The following GALNT15 variants were observed in gnomAD, a reference collection of about 807,000 sequenced individuals.
GALNT15 encodes polypeptide N-acetylgalactosaminyltransferase 15, also known as UDP-GalNAc transferase T15.
In GALNT15, 67 loss-of-function variants were observed where a neutral mutation model predicts 66.8. The ratio of observed to expected loss-of-function variants is 1.00; its 90% CI spans 0.82 to 1.23. GALNT15 has a LOEUF of 1.23. GALNT15 is among the 50% of genes most tolerant of loss of function. The pLI, the probability that GALNT15 is intolerant of heterozygous loss-of-function variation, is 0.00. For missense variants in GALNT15, 827 were observed against 804.3 expected (o/e 1.03, Z -0.34); for synonymous variants, 313 against 311.5 (o/e 1.00, Z -0.05).
rs1318688985 is a variant in GALNT15, at chr3:16,228,381, C to T, written c.*881C>T. ...TCCTGCCGGGCGCGGTGGCTCATGCCTGTAATTCCAGCACTTTGGGAGGCA... is the reference window on the plus strand; with the variant it reads ...TCCTGCCGGGCGCGGTGGCTCATGCTTGTAATTCCAGCACTTTGGGAGGCA... On this transcript the variant is annotated 3_prime_UTR_variant, in exon 10 of 10. Transcript: ENST00000339732. 1 of 976,268 alleles carries T rather than the reference C, an allele frequency of 1.0e-6. No homozygotes were observed. The highest frequency in any genetic ancestry group is 1.8e-5 in the African/African-American group (1 of 57,008). 60.5% of individuals were successfully genotyped at this position (976,268 alleles called of 1,614,324 possible).
intron 1 of GALNT15, among the ~76,000 whole-genome samples, chr3:16,194,554 A>G (rs754866443): frequency 4.6e-5 from 7 of 152,228 alleles, no homozygotes; most frequent in Non-Finnish European, 7.3e-5. Flanking sequence ...AGCACTATTC[A>G]TAGTAGTGAA....
At position 16,208,605 on chromosome 3, in the gene GALNT15, T is replaced by C; in HGVS notation, c.1014T>C (p.Asp338=). 1 of 1,614,154 alleles carries C rather than the reference T, an allele frequency of 6.2e-7. No individual in the cohort carries two copies. Among genetic ancestry groups the C allele is most frequent in the South Asian group, 1.1e-5 (1 of 91,068 alleles). Residue 338 remains aspartate (D), a synonymous_variant, in exon 4 of 10, where the codon GAT becomes GAC. Transcript: ENST00000339732. ...LQRGVLDWKL[D]FHWEPLPEHV... ...GTGGGGTGTTGGACTGGAAGCTGGA[T>C]TTCCACTGGGAACCTTTGCCAGAGC...
Position 16,176,012 on chromosome 3 carries a change from C to T in GALNT15, c.539+322C>T, listed in dbSNP as rs575734841. Among the ~76,000 whole-genome samples the T allele has an allele frequency of 5.3e-5, 8 of 152,194 alleles. No individual in the cohort carries two copies. Among genetic ancestry groups the T allele is most frequent in the South Asian group, 4.1e-4 (2 of 4,828 alleles). ...ACTCTTGCTTGTTCATTCTCTTCTCCGTCCTGGGTTCTAGTTCTTCTGTCT... is the reference window on the plus strand; with the variant it reads ...ACTCTTGCTTGTTCATTCTCTTCTCTGTCCTGGGTTCTAGTTCTTCTGTCT... On this transcript the variant is annotated intron_variant, in intron 1 of 9. Coordinates refer to ENST00000339732, the MANE Select transcript of GALNT15 (RefSeq NM_054110.5). This position sits in a 1 kb window ranked among gnomAD's most constrained non-coding sequence, Gnocchi z 5.6.
At position 16,227,516 on chromosome 3, in the gene GALNT15, G is replaced by A. The variant is rs1329174908; in HGVS notation, c.*16G>A. The A allele has an allele frequency of 9.3e-6, 15 of 1,613,914 alleles. No homozygotes were observed. Among genetic ancestry groups the A allele is most frequent in the Non-Finnish European group, 1.3e-5 (15 of 1,179,986 alleles). On this transcript the variant is annotated 3_prime_UTR_variant, in exon 10 of 10. Coordinates refer to ENST00000339732, the MANE Select transcript of GALNT15 (RefSeq NM_054110.5). This position sits in a 1 kb window ranked among gnomAD's most constrained non-coding sequence, Gnocchi z 4.5. ...TGAACGATGAATGTCAATGTCAGAA[G>A]GAAAAGAGAATTTTGGCCATCAAAA... is the stretch of plus-strand genomic sequence containing the variant.
At chr3:16,247,507 G>A in the GALNT15 span, among the ~76,000 whole-genome samples, 1 of 152,208 alleles carries the variant, frequency 6.6e-6, no homozygotes, top group Admixed American at 6.5e-5. Flanking sequence ...AACTAAAACA[G>A]GAACCAGGTC....
In GALNT15 at chr3:16,176,718, A is replaced by G. The variant is rs147071568; in HGVS notation, c.539+1028A>G. On this transcript the variant is annotated intron_variant, in intron 1 of 9. Transcript: ENST00000339732. This position sits in a 1 kb window ranked among gnomAD's most constrained non-coding sequence, Gnocchi z 5.6. ...TGGTGATTTAGGTCCCTTTTCCTAT[A>G]GGCCATTGCTCCTCCCAGAGCCTGG... is the stretch of plus-strand genomic sequence containing the variant. Among the ~76,000 whole-genome samples the G allele has an allele frequency of 2.0e-5, 3 of 152,310 alleles. No homozygotes were observed. The highest frequency in any genetic ancestry group is 7.2e-5 in the African/African-American group (3 of 41,560).
Position 16,219,667 on chromosome 3 carries a change from C to T in GALNT15, c.1524+133C>T, listed in dbSNP as rs541743579. On this transcript the variant is annotated intron_variant, in intron 7 of 9. Transcript: ENST00000339732. This position sits in a 1 kb window ranked among gnomAD's most constrained non-coding sequence, Gnocchi z 4.3. ...GGCCTCAGAGGCCTTGGGTCCATCCCGTGCCTCCATGCCAGTCTGAGGAAG... is the reference window on the plus strand; with the variant it reads ...GGCCTCAGAGGCCTTGGGTCCATCCTGTGCCTCCATGCCAGTCTGAGGAAG... The T allele has an allele frequency of 3.2e-4, 416 of 1,284,018 alleles. No individual in the cohort carries two copies. The highest frequency in any genetic ancestry group is 2.0e-3 in the African/African-American group (133 of 67,766). 79.5% of individuals were successfully genotyped at this position (1,284,018 alleles called of 1,614,324 possible).
downstream of GALNT15, among the ~76,000 whole-genome samples, chr3:16,235,155 C>T (rs1431327335): frequency 6.6e-6 from 1 of 152,126 alleles, no homozygotes; most frequent in Admixed American, 6.5e-5. Flanking sequence ...GATCTCCTGA[C>T]CTCATGATCC....
rs140126321 is a variant in GALNT15, at chr3:16,181,175, C to G, written c.539+5485C>G. On this transcript the variant is annotated intron_variant, in intron 1 of 9. Coordinates refer to ENST00000339732, the MANE Select transcript of GALNT15 (RefSeq NM_054110.5). This position sits in a 1 kb window ranked among gnomAD's most constrained non-coding sequence, Gnocchi z 5.9. ...TTCTGACTGAAAAGTTATTTTCTGG[C>G]CCTGGAGGCTGCTAAATCATCATAA... is the stretch of plus-strand genomic sequence containing the variant. Among the ~76,000 whole-genome samples the G allele has an allele frequency of 1.3e-5, 2 of 152,192 alleles. No homozygotes were observed. Among genetic ancestry groups the G allele is most frequent in the East Asian group, 3.9e-4 (2 of 5,180 alleles).
chr3:16,246,700 G>A, the GALNT15 span, among the ~76,000 whole-genome samples: 1 of 151,962 alleles, frequency 6.6e-6, no homozygotes, highest in South Asian at 2.1e-4. Flanking sequence ...AACCCAGTAG[G>A]GAATAATAGA....
chr3:16,245,003 C>T, the GALNT15 span, among the ~76,000 whole-genome samples: 10 of 152,098 alleles, frequency 6.6e-5, no homozygotes, highest in Admixed American at 6.6e-4. Flanking sequence ...AGGGTTTTCT[C>T]TGAAGGCAGA....
intron 6 of GALNT15, among the ~76,000 whole-genome samples, chr3:16,213,175 G>C (rs977951183): frequency 4.6e-5 from 7 of 152,090 alleles, no homozygotes; most frequent in African/African-American, 1.7e-4. Flanking sequence ...GAGTCCAAAG[G>C]CCAGGCGCGG....
chr3:16,241,570 A>G, the GALNT15 span, among the ~76,000 whole-genome samples: 19 of 151,828 alleles, frequency 1.3e-4, no homozygotes, highest in Non-Finnish European at 2.4e-4. This position sits in a 1 kb window ranked among gnomAD's most constrained non-coding sequence, Gnocchi z 4.6. Context: ...TCTTTTTGAG[A>G]TGGAGTCTCA....
downstream of GALNT15, among the ~76,000 whole-genome samples, chr3:16,232,504 ATATATATTTATT>A (rs1256032819): frequency 7.9e-3 from 692 of 88,060 alleles, 10 homozygotes; most frequent in East Asian, 0.02. Flanking sequence ...ATATATATAT[ATATATATTTATT>A]TAAAAGAGAC....
Position 16,188,792 on chromosome 3 carries a change from G to A in GALNT15, c.540-6968G>A, listed in dbSNP as rs533524111. Among the ~76,000 whole-genome samples, 6 of 152,178 alleles carry A rather than the reference G, an allele frequency of 3.9e-5. No homozygotes were observed. Among genetic ancestry groups the A allele is most frequent in the South Asian group, 2.1e-4 (1 of 4,808 alleles). ...AAGCTCTGTAAGGTTGGGTGGGAGC[G>A]GGGGAGGAAGAGTGGATAGATTGCA... On this transcript the variant is annotated intron_variant, in intron 1 of 9. Coordinates refer to ENST00000339732, the MANE Select transcript of GALNT15 (RefSeq NM_054110.5). This position sits in a 1 kb window ranked among gnomAD's most constrained non-coding sequence, Gnocchi z 4.6.
chr3:16,209,994 G>C lies in GALNT15; in HGVS notation c.1080-1130G>C, dbSNP rs1210531765. On this transcript the variant is annotated intron_variant, in intron 4 of 9. Transcript: ENST00000339732. This position sits in a 1 kb window ranked among gnomAD's most constrained non-coding sequence, Gnocchi z 4.1. ...AAGAGTGCCGGGCAGACCCCACTAGGACTGATGTGTGGTATACGATGTATG... is the reference window on the plus strand; with the variant it reads ...AAGAGTGCCGGGCAGACCCCACTAGCACTGATGTGTGGTATACGATGTATG... Among the ~76,000 whole-genome samples, 1 of 152,198 alleles carries C rather than the reference G, an allele frequency of 6.6e-6. No homozygotes were observed. The highest frequency in any genetic ancestry group is 2.4e-5 in the African/African-American group (1 of 41,442).
chr3:16,219,820 C>A lies in GALNT15; in HGVS notation c.1525-90C>A. Reference sequence around the variant, plus strand: ...TGAACAATGTGCCTTGGGCTGCACTCCAGAGAATACAGCAAAGGAATGGTG... The same window carrying A: ...TGAACAATGTGCCTTGGGCTGCACTACAGAGAATACAGCAAAGGAATGGTG... On this transcript the variant is annotated intron_variant, in intron 7 of 9. Coordinates refer to ENST00000339732, the MANE Select transcript of GALNT15 (RefSeq NM_054110.5). This position sits in a 1 kb window ranked among gnomAD's most constrained non-coding sequence, Gnocchi z 4.3. 1 of 1,139,156 alleles carries A rather than the reference C, an allele frequency of 8.8e-7. No homozygotes were observed. The highest frequency in any genetic ancestry group is 1.3e-6 in the Non-Finnish European group (1 of 751,882). The allele number at this position is 1,139,156 out of a possible 1,614,324, so 70.6% of individuals were successfully genotyped here.
chr3:16,244,632 C>A, the GALNT15 span, among the ~76,000 whole-genome samples: 5 of 152,326 alleles, frequency 3.3e-5, no homozygotes, highest in African/African-American at 1.2e-4. Context: ...CTTGAGCCCC[C>A]ACAAAGCAGC....
At chr3:16,185,023 C>T (rs1045555353) in intron 1 of GALNT15, among the ~76,000 whole-genome samples, 2 of 152,276 alleles carry the variant, frequency 1.3e-5, no homozygotes, top group Non-Finnish European at 2.9e-5. Flanking sequence ...GAAGTTGGGC[C>T]GTCCTGTATC....
Sources: gnomAD v4.1 joint callset for allele counts (sites outside exome capture counted in the v4.1 genomes callset) on GRCh38, gnomAD v4.1.1 for gene constraint, Gnocchi (gnomAD v3.1) non-coding constraint, MANE v1.5 for transcripts, NCBI Gene and HGNC (gene_info 2026-07-23, HGNC 2026-07-21) for gene names.